ZNF821: variants seen among roughly 807,000 people sequenced by gnomAD.
ZNF821 encodes the protein zinc finger protein 821.
ZNF821 carries 16 observed loss-of-function variants against 44.3 expected under a neutral mutation model. The observed-to-expected ratio is 0.36, with a 90% CI of 0.24 to 0.55. The LOEUF (loss-of-function observed/expected upper bound fraction) is 0.55. Among genes scored for constraint, ZNF821 ranks in the 20% least tolerant of loss-of-function variants. The pLI, the probability that ZNF821 is intolerant of heterozygous loss-of-function variation, is 0.86. For synonymous variants in ZNF821, 204 were observed against 197.6 expected, an observed-to-expected ratio of 1.03 and a Z score of -0.27; for missense variants, 436 against 547.6, an observed-to-expected ratio of 0.80 and a Z score of 2.03.
chr16:71,861,790 A>G lies in ZNF821; in HGVS notation c.570T>C (p.His190=). 1 of 1,614,112 alleles carries G rather than the reference A, an allele frequency of 6.2e-7. No individual in the cohort carries two copies. The highest frequency in any genetic ancestry group is 8.5e-7 in the Non-Finnish European group (1 of 1,180,032). ...GCCCAGCTGACCTGTTAAAAGTGGC[A>G]TGGCTGGTGAACCGGGCTCCACACA... ...CAVCGARFTS[H]ATFNSEKLPE... Residue 190 remains histidine (H), a synonymous_variant, in exon 7 of 8, where the codon CAT becomes CAC. Coordinates refer to ENST00000425432, the MANE Select transcript of ZNF821 (RefSeq NM_001201552.2).
At chr16:71,881,935 C>T (rs2036459430) in intron 2 of ZNF821, 1 of 152,168 alleles carries the variant, frequency 6.6e-6, no homozygotes, top group African/African-American at 2.4e-5. Context: ...GGAGGCACTA[C>T]ACTGCAGCTT....
At chr16:71,867,593 G>A (rs1489756867) in intron 4 of ZNF821, among the ~76,000 whole-genome samples, 1 of 152,004 alleles carries the variant, frequency 6.6e-6, no homozygotes, top group Non-Finnish European at 1.5e-5. Flanking sequence ...GGCTGAGGCA[G>A]GAGAATCGCT....
Position 71,894,953 on chromosome 16 carries a change from A to C in ZNF821, n.384T>G. The C allele has an allele frequency of 3.4e-6, 3 of 886,818 alleles. No individual in the cohort carries two copies. In the South Asian group the frequency reaches 4.3e-5, roughly 13 times the overall value. 54.9% of individuals were successfully genotyped at this position (886,818 alleles called of 1,614,324 possible). ...AGGAAACACTACTGAATTATACCAC[A>C]CAGACCGGAGCGATGCTGGTCCAAA... On this transcript the variant is annotated non_coding_transcript_exon_variant, in exon 1 of 3. Transcript: ENST00000561700.
In ZNF821 at chr16:71,865,180, T is replaced by C. The variant is rs535989682; in HGVS notation, c.167-132A>G. 49 of 1,213,218 alleles carry C rather than the reference T, an allele frequency of 4.0e-5. No homozygotes were observed. The Admixed American group carries it at 6.6e-4, about 16-fold the overall frequency. The allele number at this position is 1,213,218 out of a possible 1,614,324, so 75.2% of individuals were successfully genotyped here. A position where few individuals can be genotyped will look rare whatever the true frequency, so the allele number is the denominator to read the frequency against. Reference sequence around the variant, plus strand: ...CCATAATATAGTTTATATAGTTTTGTTGGGTACATATTATGTCAAGTGGAA... The same window carrying C: ...CCATAATATAGTTTATATAGTTTTGCTGGGTACATATTATGTCAAGTGGAA... On this transcript the variant is annotated intron_variant, in intron 4 of 7. Transcript: ENST00000425432.
intron 3 of ZNF821, among the ~76,000 whole-genome samples, chr16:71,870,897 G>C (rs2035124890): frequency 6.6e-6 from 1 of 152,186 alleles, no homozygotes; most frequent in Non-Finnish European, 1.5e-5. Context: ...TAATTATCAA[G>C]GGGAAGACCT....
intron 1 of ZNF821, among the ~76,000 whole-genome samples, chr16:71,892,393 A>G (rs1409830444): frequency 6.7e-6 from 1 of 148,446 alleles, no homozygotes; most frequent in East Asian, 2.1e-4. Flanking sequence ...CAGCCTCCCC[A>G]GTAGCTGGGA....
At position 71,893,744 on chromosome 16, in the gene ZNF821, C is replaced by T. The variant is rs1171935088; in HGVS notation, n.448+1145G>A. Among the ~76,000 whole-genome samples the T allele has an allele frequency of 2.0e-5, 3 of 151,786 alleles. No homozygotes were observed. The East Asian group carries it at 5.8e-4, about 29-fold the overall frequency. On this transcript the variant is annotated intron_variant and non_coding_transcript_variant, in intron 1 of 2. Coordinates refer to the ZNF821 transcript ENST00000561700. ...AAAGTGCTGAGATTACAGGCATAAG[C>T]CACCATGCCCAGCCAAAAAAATCTG...
intron 3 of ZNF821, among the ~76,000 whole-genome samples, chr16:71,877,324 A>G (rs898499365): frequency 6.6e-6 from 1 of 151,966 alleles, no homozygotes; most frequent in Non-Finnish European, 1.5e-5. Flanking sequence ...GCAGTGGCAT[A>G]ATCTTGGCTC....
chr16:71,865,186 A>T, intron 4 of ZNF821, 138 bp from the exon 5 acceptor site: 1 of 1,162,216 alleles, frequency 8.6e-7, no homozygotes, highest in Non-Finnish European at 1.2e-6. Context: ...TTTGTTGGGT[A>T]CATATTATGT....
chr16:71,885,748 A>G (rs578081866), upstream of ZNF821, among the ~76,000 whole-genome samples: 2 of 152,270 alleles, frequency 1.3e-5, no homozygotes, highest in East Asian at 3.9e-4. Context: ...TCATTCACTC[A>G]TTTATTTATT....
At chr16:71,871,230 T>G (rs1297635897) in intron 3 of ZNF821, among the ~76,000 whole-genome samples, 1 of 152,238 alleles carries the variant, frequency 6.6e-6, no homozygotes, top group Non-Finnish European at 1.5e-5. Flanking sequence ...AATTCTGTCA[T>G]TCCTTTTTGG....
In ZNF821 at chr16:71,879,978, C is replaced by G; in HGVS notation, c.-32G>C. On this transcript the variant is annotated 5_prime_UTR_variant, in exon 3 of 8. Coordinates refer to ENST00000425432, the MANE Select transcript of ZNF821 (RefSeq NM_001201552.2). Reference sequence around the variant, plus strand: ...CTGATGCAAGAGCTCTGGTCTTTCCCAGTTTCACGACTGGATATGTTACTA... The same window carrying G: ...CTGATGCAAGAGCTCTGGTCTTTCCGAGTTTCACGACTGGATATGTTACTA... 1.9e-6 allele frequency: 3 copies of G among 1,610,012 alleles called. No homozygotes were observed. Among genetic ancestry groups the G allele is most frequent in the Non-Finnish European group, 1.7e-6 (2 of 1,177,958 alleles).
At chr16:71,870,429 A>C (rs1037814393) in intron 3 of ZNF821, among the ~76,000 whole-genome samples, 15 of 150,290 alleles carry the variant, frequency 1.0e-4, no homozygotes, top group Non-Finnish European at 1.5e-4. Context: ...GAAGTGAAAT[A>C]CTTAATTTCT....
intron 2 of ZNF821, among the ~76,000 whole-genome samples, chr16:71,880,937 A>AT (rs1306965453): frequency 1.2e-4 from 18 of 152,328 alleles, no homozygotes; most frequent in African/African-American, 4.3e-4. Context: ...AAGGTTCCTG[A>AT]TTAACTACAG....
intron 4 of ZNF821, among the ~76,000 whole-genome samples, chr16:71,867,487 T>C (rs907852391): frequency 3.9e-5 from 6 of 152,022 alleles, no homozygotes; most frequent in Admixed American, 2.6e-4. Flanking sequence ...AGGAGTTCGA[T>C]ACCAGCCTGA....
chr16:71,865,854 A>C (rs1209081118), intron 4 of ZNF821, among the ~76,000 whole-genome samples: 1 of 152,160 alleles, frequency 6.6e-6, no homozygotes, highest in Non-Finnish European at 1.5e-5. Flanking sequence ...ATAGGAATTG[A>C]GTTTGTTTTA....
At chr16:71,894,811 C>T (rs1212059673) in intron 1 of ZNF821, 4 of 1,531,260 alleles carry the variant, frequency 2.6e-6, no homozygotes, top group East Asian at 2.4e-5. Flanking sequence ...CTGGGAAGGT[C>T]CCTTCCAGGC....
rs780050153 is a variant in ZNF821 at position 71,860,531 on chromosome 16, AGCACAGTTGTT to A, written c.715_725del (p.Asn239CysfsTer4). 1 of 1,614,184 alleles carries A rather than the reference AGCACAGTTGTT, an allele frequency of 6.2e-7. No individual in the cohort carries two copies. The highest frequency in any genetic ancestry group is 8.5e-7 in the Non-Finnish European group (1 of 1,180,034). On this transcript the variant is annotated frameshift_variant, in exon 8 of 8. Transcript: ENST00000425432. LOFTEE classifies it high-confidence loss of function. This position sits in a 1 kb window ranked among gnomAD's most constrained non-coding sequence, Gnocchi z 7.3. Reference sequence around the variant, plus strand: ...GGGCTTCCAGCAGTTTACGGTAGGCAGCACAGTTGTTGCACACAAGCAGAATTCCAGCAGGG... The same window carrying A: ...GGGCTTCCAGCAGTTTACGGTAGGCAGCACACAAGCAGAATTCCAGCAGGG...
At position 71,860,408 on chromosome 16, in the gene ZNF821, G is replaced by A. The variant is rs1281575276; in HGVS notation, c.849C>T (p.Ser283=). The change falls in exon 8 of 8, where the codon AGC becomes AGT. Residue 283 remains serine (S), a synonymous_variant. Transcript: ENST00000425432. The surrounding 1 kb of genome is among the most constrained non-coding windows in gnomAD (Gnocchi z 7.3). The part of the protein sequence containing the change: ...RLERERTAKK[S]RRDNETPEER... ...CCTCGGGGGTCTCATTGTCCCGCCG[G>A]CTCTTCTTGGCCGTGCGCTCTCGTT... The A allele has an allele frequency of 6.2e-7, 1 of 1,612,720 alleles. No individual in the cohort carries two copies. The highest frequency in any genetic ancestry group is 1.3e-5 in the African/African-American group (1 of 74,926).
Sources: allele counts gnomAD v4.1 joint callset (sites outside exome capture counted in the v4.1 genomes callset), GRCh38; gene constraint gnomAD v4.1.1; non-coding constraint Gnocchi (gnomAD v3.1); transcripts MANE v1.5; gene names NCBI Gene and HGNC (gene_info 2026-07-23, HGNC 2026-07-21).